PLEKHG1: variants seen among roughly 807,000 people sequenced by gnomAD.
The protein encoded by PLEKHG1 is pleckstrin homology and RhoGEF domain containing G1.
Under a neutral mutation model 100.8 loss-of-function variants are expected in PLEKHG1, and 44 were observed. The observed-to-expected ratio is 0.44, with a 90% CI of 0.34 to 0.56. The LOEUF (loss-of-function observed/expected upper bound fraction) is 0.56. Among genes scored for constraint, PLEKHG1 ranks in the 20% least tolerant of loss-of-function variants. The pLI is 0.01. For missense variants in PLEKHG1, 1,545 were observed against 1,720.9 expected (o/e 0.90, Z 1.81); for synonymous variants, 640 against 662.5 (o/e 0.97, Z 0.52).
intron 1 of PLEKHG1, among the ~76,000 whole-genome samples, chr6:150,635,101 A>G (rs1006369637): frequency 6.6e-6 from 1 of 152,236 alleles, no homozygotes; most frequent in Non-Finnish European, 1.5e-5. Flanking sequence ...TATGGTTCCT[A>G]CCCTTCACGG....
chr6:150,636,950 T>A (rs1347339139), intron 1 of PLEKHG1, among the ~76,000 whole-genome samples: 1 of 152,212 alleles, frequency 6.6e-6, no homozygotes, highest in African/African-American at 2.4e-5. Context: ...TCATTTCTTC[T>A]ACCCTATGAC....
intron 1 of PLEKHG1, among the ~76,000 whole-genome samples, chr6:150,628,575 C>CACACACACACACACAA: frequency 7.3e-6 from 1 of 137,370 alleles, no homozygotes. Flanking sequence ...CACACACACA[C>CACACACACACACACAA]ACCCCGTCCT....
intron 3 of PLEKHG1, among the ~76,000 whole-genome samples, chr6:150,783,225 G>A (rs1785425316): frequency 6.7e-6 from 1 of 150,342 alleles, no homozygotes; most frequent in South Asian, 2.1e-4. Context: ...AAAAAATGGA[G>A]GAATGAAAAC....
At chr6:150,824,896 A>G (rs1325476673) in intron 14 of PLEKHG1, among the ~76,000 whole-genome samples, 2 of 152,028 alleles carry the variant, frequency 1.3e-5, no homozygotes, top group Admixed American at 6.6e-5. Context: ...CAGGTAGTAC[A>G]TGCTTTTGTT....
intron 3 of PLEKHG1, among the ~76,000 whole-genome samples, chr6:150,666,126 A>G (rs1779388039): frequency 1.3e-5 from 2 of 152,178 alleles, no homozygotes; most frequent in African/African-American, 4.8e-5. Flanking sequence ...TCCTTCCTCT[A>G]CCCTGGCAGT....
rs1004379677 is a variant in PLEKHG1 at position 150,630,134 on chromosome 6, G to A, written c.-203-7946G>A. Among the ~76,000 whole-genome samples the A allele has an allele frequency of 3.3e-5, 5 of 152,302 alleles. No homozygotes were observed. In the East Asian group the frequency reaches 9.6e-4, roughly 29 times the overall value. ...AGTTTGTACCTTGTTCAGCAGGGAG[G>A]CCAGTACATGGAAAGAATGGTACCT... On this transcript the variant is annotated intron_variant, in intron 1 of 3. Coordinates refer to the PLEKHG1 transcript ENST00000367326.
chr6:150,834,559 T>C (rs12665365), intron 15 of PLEKHG1, among the ~76,000 whole-genome samples: 5,033 of 152,352 alleles, frequency 0.033, 93 homozygotes, highest in South Asian at 0.056. Context: ...CCTTTGATAC[T>C]GAATCATTAG....
At chr6:150,621,626 T>A (rs1777305439) in intron 1 of PLEKHG1, among the ~76,000 whole-genome samples, 1 of 152,124 alleles carries the variant, frequency 6.6e-6, no homozygotes, top group Admixed American at 6.6e-5. Flanking sequence ...CCTCCAGCCT[T>A]AGCCTCCCAA....
intron 3 of PLEKHG1, among the ~76,000 whole-genome samples, chr6:150,712,614 A>G (rs1781280221): frequency 6.6e-6 from 1 of 152,240 alleles, no homozygotes; most frequent in Non-Finnish European, 1.5e-5. Flanking sequence ...TTCAACCTGC[A>G]GTGGAACAGA....
chr6:150,827,884 A>G (rs1446717039), intron 14 of PLEKHG1: 2 of 1,505,440 alleles, frequency 1.3e-6, no homozygotes, highest in Admixed American at 1.7e-5. Flanking sequence ...ATTGAAATGT[A>G]CAGACAGCAG....
chr6:150,830,938 C>T, exon 15 of PLEKHG1: 1 of 1,614,064 alleles, frequency 6.2e-7, no homozygotes, highest in Non-Finnish European at 8.5e-7. Context: ...TCAGGCGGGC[C>T]AGCAGTGCTG....
intron 3 of PLEKHG1, among the ~76,000 whole-genome samples, chr6:150,777,148 C>T (rs2128645227): frequency 6.6e-6 from 1 of 150,450 alleles, no homozygotes; most frequent in Middle Eastern, 3.5e-3. Context: ...TGCAGTTGCA[C>T]ATTACTCACA....
At chr6:150,696,447 G>A (rs991058855) in intron 3 of PLEKHG1, among the ~76,000 whole-genome samples, 1 of 152,182 alleles carries the variant, frequency 6.6e-6, no homozygotes, top group South Asian at 2.1e-4. Flanking sequence ...TGATCATCTT[G>A]CATTAAACAC....
intron 3 of PLEKHG1, among the ~76,000 whole-genome samples, chr6:150,776,113 CT>C (rs1364653163): frequency 6.6e-6 from 1 of 152,172 alleles, no homozygotes; most frequent in Non-Finnish European, 1.5e-5. Context: ...GTCAGAAAAG[CT>C]TCACATGGGA....
At chr6:150,647,914 A>G (rs1272158642) in intron 2 of PLEKHG1, among the ~76,000 whole-genome samples, 1 of 152,160 alleles carries the variant, frequency 6.6e-6, no homozygotes, top group Non-Finnish European at 1.5e-5. Flanking sequence ...TTCCTATAAT[A>G]ACTGAAATTA....
intron 2 of PLEKHG1, among the ~76,000 whole-genome samples, chr6:150,643,059 C>T (rs934523638): frequency 2.0e-5 from 3 of 152,076 alleles, no homozygotes; most frequent in Non-Finnish European, 4.4e-5. Flanking sequence ...ATTAAGAGGC[C>T]GTCTTTGCTG....
chr6:150,678,447 T>A (rs1472342640), intron 3 of PLEKHG1, among the ~76,000 whole-genome samples: 1 of 152,200 alleles, frequency 6.6e-6, no homozygotes, highest in African/African-American at 2.4e-5. Context: ...ATTGTTTCAC[T>A]AGATCTGTGT....
intron 2 of PLEKHG1, among the ~76,000 whole-genome samples, chr6:150,751,168 A>G (rs554836826): frequency 7.9e-5 from 12 of 152,354 alleles, no homozygotes; most frequent in Admixed American, 4.6e-4. Context: ...TTTTAACTTT[A>G]CAAATAAAAA....
intron 4 of PLEKHG1, among the ~76,000 whole-genome samples, chr6:150,792,491 G>A (rs1218273364): frequency 6.6e-6 from 1 of 151,594 alleles, no homozygotes; most frequent in African/African-American, 2.4e-5. Context: ...TGGCCAACAT[G>A]GCTAAACCCC....
Sources: allele counts gnomAD v4.1 joint callset (sites outside exome capture counted in the v4.1 genomes callset), GRCh38; gene constraint gnomAD v4.1.1; transcripts MANE v1.5; gene names NCBI Gene and HGNC (gene_info 2026-07-23, HGNC 2026-07-21).